The following NFATC3 variants were observed in gnomAD, a reference collection of about 807,000 sequenced individuals.
The protein encoded by NFATC3 is nuclear factor of activated T-cells, cytoplasmic 3.
NFATC3 carries 46 observed loss-of-function variants against 98.6 expected under a neutral mutation model. The observed-to-expected ratio is 0.47, with a 90% CI of 0.37 to 0.60. The LOEUF is 0.60. NFATC3 is among the 20% of genes least tolerant of loss of function. The pLI is 0.00. For synonymous variants in NFATC3, 512 were observed against 472.2 expected (o/e 1.08, Z -1.09); for missense variants, 1,256 against 1,295.5 (o/e 0.97, Z 0.47).
chr16:68,226,650 C>T lies in NFATC3; in HGVS notation c.*179C>T, dbSNP rs2042042793. On this transcript the variant is annotated 3_prime_UTR_variant, in exon 10 of 10. Transcript: ENST00000346183. ...GGTAGATTTGGCAAAAGAACAGGAGCAGCATAGGCTGTTTGAGCTTTGGGG... is the reference window on the plus strand; with the variant it reads ...GGTAGATTTGGCAAAAGAACAGGAGTAGCATAGGCTGTTTGAGCTTTGGGG... The T allele has an allele frequency of 5.3e-6, 3 of 564,486 alleles. No individual in the cohort carries two copies. The highest frequency in any genetic ancestry group is 8.5e-6 in the Non-Finnish European group (3 of 351,532). 35.0% of individuals were successfully genotyped at this position (564,486 alleles called of 1,614,324 possible).
At chr16:68,085,844 C>T (rs2034337587) in intron 1 of NFATC3, 60 bp downstream of exon 1, 4 of 1,255,874 alleles carry the variant, frequency 3.2e-6, no homozygotes, top group African/African-American at 1.6e-5. Context: ...CAGGATCTCT[C>T]GCTCCCTCCC....
chr16:68,183,187 G>T, intron 7 of NFATC3, 53 bp from the exon 8 acceptor site: 1 of 1,530,552 alleles, frequency 6.5e-7, no homozygotes, highest in South Asian at 1.3e-5. Context: ...TGTTTAACAG[G>T]TGCATTTCAT....
At chr16:68,117,452 T>C (rs1393098517) in intron 1 of NFATC3, among the ~76,000 whole-genome samples, 1 of 152,186 alleles carries the variant, frequency 6.6e-6, no homozygotes, top group East Asian at 1.9e-4. Flanking sequence ...CTAGCTCTCA[T>C]TATTCTGCCT....
rs767368191 is a variant in NFATC3 at position 68,191,144 on chromosome 16, A to G, written c.2475A>G (p.Gln825=). The G allele has an allele frequency of 2.7e-5, 43 of 1,614,100 alleles. No individual in the cohort carries two copies. Among genetic ancestry groups the G allele is most frequent in the Non-Finnish European group, 3.6e-5 (42 of 1,180,050 alleles). ...TCLPINAASS[Q]EFDSVLFQQD... ...TTCCTATTAATGCTGCCTCTAGTCA[A>G]GAATTTGATTCAGTTTTGTTTCAGC... The change falls in exon 9 of 10, where the codon CAA becomes CAG. Residue 825 remains glutamine, a synonymous_variant. Coordinates refer to ENST00000346183, the MANE Select transcript of NFATC3 (RefSeq NM_173165.3).
chr16:68,161,503 C>T (rs772159651), intron 4 of NFATC3, among the ~76,000 whole-genome samples: 13 of 152,126 alleles, frequency 8.5e-5, no homozygotes, highest in Non-Finnish European at 1.3e-4. Flanking sequence ...CTATTGCATG[C>T]GTGTGTGCAT....
intron 1 of NFATC3, chr16:68,086,876 T>C: frequency 2.6e-6 from 2 of 772,826 alleles, no homozygotes; most frequent in Middle Eastern, 6.5e-4. Flanking sequence ...ATAATAGTTA[T>C]GTGTTGGCTG....
At chr16:68,139,758 A>G (rs1338216943) in intron 3 of NFATC3, among the ~76,000 whole-genome samples, 1 of 152,230 alleles carries the variant, frequency 6.6e-6, no homozygotes, top group Admixed American at 6.5e-5. Context: ...CATTCAAAGC[A>G]GTTTGCTAAT....
At chr16:68,125,923 C>T (rs1024032495) in intron 2 of NFATC3, among the ~76,000 whole-genome samples, 3 of 151,950 alleles carry the variant, frequency 2.0e-5, no homozygotes, top group Middle Eastern at 3.4e-3. Context: ...GACAGAGTCT[C>T]GCTCTTTTGG....
intron 9 of NFATC3, among the ~76,000 whole-genome samples, chr16:68,196,756 G>C (rs551047823): frequency 6.6e-6 from 1 of 152,198 alleles, no homozygotes; most frequent in South Asian, 2.1e-4. Context: ...AAATGGCTGG[G>C]CGCAGTGGCT....
chr16:68,207,881 T>A (rs2041215290), intron 9 of NFATC3, among the ~76,000 whole-genome samples: 1 of 152,080 alleles, frequency 6.6e-6, no homozygotes, highest in Non-Finnish European at 1.5e-5. Context: ...ACATGTTATT[T>A]TCCATTTTTA....
intron 3 of NFATC3, among the ~76,000 whole-genome samples, chr16:68,131,963 A>G (rs927390247): frequency 2.0e-5 from 3 of 152,188 alleles, no homozygotes; most frequent in Admixed American, 6.5e-5. Flanking sequence ...AGAAGTGGGC[A>G]TATACTGGTA....
chr16:68,198,354 A>G (rs925906788), intron 9 of NFATC3, among the ~76,000 whole-genome samples: 2 of 152,096 alleles, frequency 1.3e-5, no homozygotes, highest in Non-Finnish European at 2.9e-5. Flanking sequence ...AAAATATTCT[A>G]ATATAGCTCT....
intron 3 of NFATC3, among the ~76,000 whole-genome samples, chr16:68,157,571 G>T (rs912179447): frequency 6.6e-6 from 1 of 152,000 alleles, no homozygotes; most frequent in Admixed American, 6.6e-5. Context: ...TATTTCTTTT[G>T]TGTTTTCTAC....
At chr16:68,221,159 A>G in intron 9 of NFATC3, 1 of 1,603,064 alleles carries the variant, frequency 6.2e-7, no homozygotes, top group Non-Finnish European at 8.5e-7. Context: ...TGTGCTTATC[A>G]AGATTGCTAA....
intron 3 of NFATC3, among the ~76,000 whole-genome samples, chr16:68,144,974 T>C (rs1181989291): frequency 6.6e-6 from 1 of 151,936 alleles, no homozygotes; most frequent in African/African-American, 2.4e-5. Context: ...ACCTGATTTT[T>C]AAAAATTTTT....
At chr16:68,215,497 G>A (rs951436332) in intron 9 of NFATC3, among the ~76,000 whole-genome samples, 15 of 152,312 alleles carry the variant, frequency 9.8e-5, no homozygotes, top group African/African-American at 3.4e-4. Flanking sequence ...CATGTGTGAA[G>A]CAACAAGTTG....
chr16:68,183,447 T>C, intron 8 of NFATC3, 81 bp downstream of exon 8: 1 of 1,497,420 alleles, frequency 6.7e-7, no homozygotes, highest in Non-Finnish European at 9.0e-7. Context: ...TATATTACAG[T>C]GTTTAAGGTA....
chr16:68,156,004 A>G (rs2038593686), intron 3 of NFATC3, among the ~76,000 whole-genome samples: 1 of 152,186 alleles, frequency 6.6e-6, no homozygotes, highest in South Asian at 2.1e-4. Flanking sequence ...ATTAGGGCAG[A>G]GACAGTTTTT....
At chr16:68,087,527 C>A (rs563059214) in intron 1 of NFATC3, among the ~76,000 whole-genome samples, 1 of 152,076 alleles carries the variant, frequency 6.6e-6, no homozygotes, top group Non-Finnish European at 1.5e-5. Flanking sequence ...ATATTTTAAG[C>A]AGGTAATTTT....
Sources: gnomAD v4.1 joint callset for allele counts (sites outside exome capture counted in the v4.1 genomes callset) on GRCh38, gnomAD v4.1.1 for gene constraint, MANE v1.5 for transcripts, NCBI Gene and HGNC (gene_info 2026-07-23, HGNC 2026-07-21) for gene names.